LEPROTL1: variants seen among roughly 807,000 people sequenced by gnomAD.
The protein encoded by LEPROTL1 is leptin receptor overlapping transcript like 1.
A neutral mutation model predicts 15.4 loss-of-function variants in LEPROTL1; 6 were observed. The ratio of observed to expected loss-of-function variants is 0.39; its 90% CI spans 0.21 to 0.77. The LOEUF (loss-of-function observed/expected upper bound fraction) is 0.77, where lower values mean the gene tolerates loss of function less well. Ranked by LOEUF, LEPROTL1 falls within the 30% of genes least tolerant of loss-of-function variation. LEPROTL1 has a pLI of 0.41. For synonymous variants in LEPROTL1, 56 were observed against 52.6 expected, an observed-to-expected ratio of 1.06 and a Z score of -0.28; for missense variants, 128 against 158.1, an observed-to-expected ratio of 0.81 and a Z score of 1.02.
intron 3 of LEPROTL1, among the ~76,000 whole-genome samples, chr8:30,125,359 A>G (rs181581371): frequency 6.6e-6 from 1 of 152,352 alleles, no homozygotes; most frequent in Admixed American, 6.5e-5. Flanking sequence ...TCTTAGTAGG[A>G]GAGAACTATT....
intron 3 of LEPROTL1, among the ~76,000 whole-genome samples, chr8:30,127,685 TACACAC>T (rs71206231): frequency 7.4e-6 from 1 of 135,106 alleles, no homozygotes; most frequent in East Asian, 2.2e-4. Flanking sequence ...AAAAAAAAAA[TACACAC>T]ACACACACAC....
At chr8:30,129,373 G>A (rs975091623) in intron 3 of LEPROTL1, among the ~76,000 whole-genome samples, 1 of 152,020 alleles carries the variant, frequency 6.6e-6, no homozygotes, top group African/African-American at 2.4e-5. Context: ...AAGTTTTAAC[G>A]ATTAAAAGTG....
intron 3 of LEPROTL1, among the ~76,000 whole-genome samples, chr8:30,115,535 G>C (rs2117504654): frequency 8.0e-6 from 1 of 125,596 alleles, no homozygotes; most frequent in East Asian, 2.4e-4. Context: ...ACCATGCCTG[G>C]CTAATTTTTT....
intron 2 of LEPROTL1, among the ~76,000 whole-genome samples, chr8:30,103,792 C>T (rs966820648): frequency 6.6e-6 from 1 of 151,018 alleles, no homozygotes; most frequent in African/African-American, 2.4e-5. Flanking sequence ...TTATCATTAG[C>T]CTCTGTACAA....
intron 3 of LEPROTL1, among the ~76,000 whole-genome samples, chr8:30,119,304 G>A (rs932860201): frequency 6.6e-6 from 1 of 152,110 alleles, no homozygotes; most frequent in Non-Finnish European, 1.5e-5. Flanking sequence ...AGTTGTTCAG[G>A]GTACAGGTCA....
intron 1 of LEPROTL1, chr8:30,096,032 G>C: frequency 1.7e-6 from 1 of 600,752 alleles, no homozygotes; most frequent in Non-Finnish European, 3.0e-6. Context: ...GTCCACCCCG[G>C]CCGCCCGCGC....
downstream of LEPROTL1, among the ~76,000 whole-genome samples, chr8:30,112,460 A>G (rs964774561): frequency 2.7e-5 from 3 of 111,264 alleles, no homozygotes; most frequent in Non-Finnish European, 5.0e-5. Flanking sequence ...GGGTTTCACC[A>G]TGTTGGCCAG....
intron 1 of LEPROTL1, 184 bp downstream of exon 1, chr8:30,095,712 A>G (rs1802350024): frequency 4.3e-6 from 3 of 694,236 alleles, no homozygotes; most frequent in Admixed American, 4.4e-5. Context: ...CCCTCGGGCA[A>G]CGGACGGTTG....
At position 30,095,420 on chromosome 8, in the gene LEPROTL1, G is replaced by A; in HGVS notation, c.-93G>A. On this transcript the variant is annotated 5_prime_UTR_variant, in exon 1 of 4. Transcript: ENST00000321250. Reference sequence around the variant, plus strand: ...AGTGCTGCGTCGCGCACTTCCGGGTGTTGTCTGGCCGCCGTAGCGCGTCTT... The same window carrying A: ...AGTGCTGCGTCGCGCACTTCCGGGTATTGTCTGGCCGCCGTAGCGCGTCTT... 1.1e-5 allele frequency: 15 copies of A among 1,322,608 alleles called. No individual in the cohort carries two copies. The highest frequency in any genetic ancestry group is 1.4e-5 in the Non-Finnish European group (14 of 992,604). 81.9% of individuals were successfully genotyped at this position (1,322,608 alleles called of 1,614,324 possible).
In LEPROTL1 at chr8:30,099,948, C is replaced by G. The variant is rs368812041; in HGVS notation, c.17-1950C>G. On this transcript the variant is annotated intron_variant, in intron 1 of 3. Coordinates refer to ENST00000321250, the MANE Select transcript of LEPROTL1 (RefSeq NM_015344.3). ...CGTCACAGGAGAGGTGGGCAGGGCC[C>G]GGTCATGAGAACCAATTTGGAACTG... is the stretch of plus-strand genomic sequence containing the variant. Among the ~76,000 whole-genome samples, 41 of 152,274 alleles carry G rather than the reference C, an allele frequency of 2.7e-4. No homozygotes were observed. The East Asian group carries it at 5.4e-3, about 20-fold the overall frequency.
At chr8:30,101,114 T>A (rs1161007082) in intron 1 of LEPROTL1, among the ~76,000 whole-genome samples, 1 of 152,216 alleles carries the variant, frequency 6.6e-6, no homozygotes, top group African/African-American at 2.4e-5. Flanking sequence ...TGGTCAGTTT[T>A]ATGCACATTG....
Position 30,107,675 on chromosome 8 carries a change from A to G in LEPROTL1, c.*1813A>G, listed in dbSNP as rs1009984585. 3.0e-6 allele frequency: 3 copies of G among 985,454 alleles called. No individual in the cohort carries two copies. Among genetic ancestry groups the G allele is most frequent in the East Asian group, 1.1e-4 (1 of 8,832 alleles). The allele number at this position is 985,454 out of a possible 1,614,324, so 61.0% of individuals were successfully genotyped here. ...GTGGTATTATAATGTTCAGATTTCA[A>G]GAGGAAGGTGCAGGTACACATGAGT... is the stretch of plus-strand genomic sequence containing the variant. On this transcript the variant is annotated 3_prime_UTR_variant, in exon 4 of 4. Coordinates refer to ENST00000321250, the MANE Select transcript of LEPROTL1 (RefSeq NM_015344.3).
chr8:30,109,620 A>C (rs1235094460), downstream of LEPROTL1, among the ~76,000 whole-genome samples: 1 of 152,088 alleles, frequency 6.6e-6, no homozygotes, highest in Non-Finnish European at 1.5e-5. Context: ...GATCCTTTTC[A>C]TACAACTGAG....
At position 30,105,465 on chromosome 8, in the gene LEPROTL1, AG is replaced by A. The variant is rs201898113; in HGVS notation, c.280-279del. On this transcript the variant is annotated intron_variant, in intron 3 of 3. Coordinates refer to ENST00000321250, the MANE Select transcript of LEPROTL1 (RefSeq NM_015344.3). ...GGTCATTTCATGACTTTCTTTTTAA[AG>A]GAACCAAAGGTAAATGAAAATACTA... Among the ~76,000 whole-genome samples the A allele has an allele frequency of 8.3e-3, 1,260 of 151,514 alleles. 17 individuals are homozygous for A. Among genetic ancestry groups the A allele is most frequent in the African/African-American group, 0.029 (1,199 of 41,364 alleles).
intron 3 of LEPROTL1, among the ~76,000 whole-genome samples, chr8:30,119,784 T>C (rs1249813147): frequency 1.3e-5 from 2 of 152,146 alleles, no homozygotes; most frequent in Non-Finnish European, 2.9e-5. Context: ...AAAAATGCTT[T>C]TAAGTTGGGC....
chr8:30,121,819 C>T (rs1019951726), intron 3 of LEPROTL1, among the ~76,000 whole-genome samples: 12 of 151,832 alleles, frequency 7.9e-5, no homozygotes, highest in Middle Eastern at 3.2e-3. Flanking sequence ...AGCTCCTTAC[C>T]TTCTGCTCCC....
At chr8:30,128,502 G>A (rs189215535) in intron 3 of LEPROTL1, among the ~76,000 whole-genome samples, 1 of 152,066 alleles carries the variant, frequency 6.6e-6, no homozygotes, top group Non-Finnish European at 1.5e-5. Flanking sequence ...TATAATCTCA[G>A]CATTTTGGAA....
intron 3 of LEPROTL1, among the ~76,000 whole-genome samples, chr8:30,129,780 A>G (rs1378582691): frequency 6.6e-6 from 1 of 151,670 alleles, no homozygotes; most frequent in Non-Finnish European, 1.5e-5. Flanking sequence ...AGACTGGGTA[A>G]TTAATAAAGA....
At chr8:30,112,708 G>A (rs1263387925), downstream of LEPROTL1, among the ~76,000 whole-genome samples, 1 of 151,696 alleles carries the variant, frequency 6.6e-6, no homozygotes, top group African/African-American at 2.4e-5. Flanking sequence ...TATTTAACCC[G>A]TGTCCCATTT....
Sources: gnomAD v4.1 joint callset for allele counts (sites outside exome capture counted in the v4.1 genomes callset) on GRCh38, gnomAD v4.1.1 for gene constraint, MANE v1.5 for transcripts, NCBI Gene and HGNC (gene_info 2026-07-23, HGNC 2026-07-21) for gene names.